DDHD2: variants seen among roughly 807,000 people sequenced by gnomAD.
The protein encoded by DDHD2 is DDHD domain containing 2, also known as triacylglycerol hydrolase DDHD2.
In DDHD2, 62 loss-of-function variants were observed where a neutral mutation model predicts 91.2. The ratio of observed to expected loss-of-function variants is 0.68; its 90% CI spans 0.55 to 0.84. DDHD2 has a LOEUF of 0.84. Among genes scored for constraint, DDHD2 ranks in the 40% least tolerant of loss-of-function variants. The probability of loss-of-function intolerance (pLI) is 0.00; values close to 1 mark genes in which losing one functional copy is unlikely to be tolerated. For synonymous variants in DDHD2, 271 were observed against 293.9 expected (o/e 0.92, Z 0.80); for missense variants, 740 against 846.9 (o/e 0.87, Z 1.57).
intron 16 of DDHD2, among the ~76,000 whole-genome samples, chr8:38,255,808 T>C (rs1169265329): frequency 6.6e-6 from 1 of 152,202 alleles, no homozygotes; most frequent in Non-Finnish European, 1.5e-5. Context: ...ACCTTGTTCA[T>C]GTCATTTCAC....
rs888032297 is a variant in DDHD2 at position 38,239,420 on chromosome 8, G to GTGT, written c.623-852_623-850dup. On this transcript the variant is annotated intron_variant, in intron 5 of 17. Transcript: ENST00000397166. Reference sequence around the variant, plus strand: ...TTTAAAACCTGAAAAAAGGCCAAGTGTGTTGGCTCACGGCTGTAATCCCAG... The same window carrying GTGT: ...TTTAAAACCTGAAAAAAGGCCAAGTGTGTTGTTGGCTCACGGCTGTAATCCCAG... Among the ~76,000 whole-genome samples the GTGT allele has an allele frequency of 1.3e-4, 19 of 148,698 alleles. 1 individual carries two copies. Among genetic ancestry groups the GTGT allele is most frequent in the Non-Finnish European group, 3.0e-5 (2 of 67,234 alleles).
At chr8:38,253,438 G>A (rs918486571) in intron 15 of DDHD2, 118 bp from the exon 16 acceptor site, 1 of 889,666 alleles carries the variant, frequency 1.1e-6, no homozygotes. Context: ...ATGGGAGAGA[G>A]CTCTCTGAAC....
rs757419576 is a variant in DDHD2, at chr8:38,268,989, C to A, written n.88-2133C>A. The A allele has an allele frequency of 2.5e-6, 4 of 1,579,820 alleles. No individual in the cohort carries two copies. In the African/African-American group the frequency reaches 5.6e-5, roughly 22 times the overall value. ...TGGAACGGGGGGAGCAGCTCCGTCA[C>A]CCTAGAGGGGAACAAAGAAGCGCAG... is the stretch of plus-strand genomic sequence containing the variant. On this transcript the variant is annotated intron_variant and non_coding_transcript_variant, in intron 1 of 1. Coordinates refer to the DDHD2 transcript ENST00000526071.
Position 38,243,134 on chromosome 8 carries a change from A to G in DDHD2, c.848+749A>G, listed in dbSNP as rs559413869. ...ACTGTGGTGGGGTCCGGATTCTTCAATATTTGAGCAGATGCTAAGAGGTTA... is the reference window on the plus strand; with the variant it reads ...ACTGTGGTGGGGTCCGGATTCTTCAGTATTTGAGCAGATGCTAAGAGGTTA... On this transcript the variant is annotated intron_variant, in intron 7 of 17. Transcript: ENST00000397166. Among the ~76,000 whole-genome samples, 14 of 152,292 alleles carry G rather than the reference A, an allele frequency of 9.2e-5. No individual in the cohort carries two copies. In the South Asian group the frequency reaches 2.7e-3, roughly 29 times the overall value.
intron 3 of DDHD2, among the ~76,000 whole-genome samples, chr8:38,236,423 C>T (rs1263780900): frequency 9.9e-5 from 15 of 151,428 alleles, no homozygotes; most frequent in Non-Finnish European, 1.9e-4. Context: ...GGTGCGATCT[C>T]GGCTCACTGC....
intron 11 of DDHD2, chr8:38,251,529 C>G (rs1806107340): frequency 5.9e-6 from 1 of 168,500 alleles, no homozygotes; most frequent in African/African-American, 2.4e-5. Context: ...TGATTGTTGC[C>G]TAAAGTTTCA....
In DDHD2 at chr8:38,261,246, G is replaced by A. The variant is rs1806998409; in HGVS notation, c.*673G>A. ...TGTTTTTGCAACTGTTTGAGCTGCT[G>A]TAAGAGTCTAAAGTTGACAAGTTAG... On this transcript the variant is annotated 3_prime_UTR_variant, in exon 18 of 18. Coordinates refer to ENST00000397166, the MANE Select transcript of DDHD2 (RefSeq NM_015214.3). The A allele has an allele frequency of 6.6e-6, 1 of 152,208 alleles. No homozygotes were observed. Among genetic ancestry groups the A allele is most frequent in the Non-Finnish European group, 1.5e-5 (1 of 68,034 alleles). The allele number at this position is 152,208 out of a possible 1,614,324, so 9.4% of individuals were successfully genotyped here.
At chr8:38,273,526 G>A (rs924659978), downstream of DDHD2, 7 of 152,116 alleles carry the variant, frequency 4.6e-5, no homozygotes, top group African/African-American at 1.7e-4. Context: ...AAAGCAAGGA[G>A]ATAAGATTTC....
chr8:38,267,538 T>C (rs909967563), downstream of DDHD2: 40 of 920,808 alleles, frequency 4.3e-5, no homozygotes, highest in Non-Finnish European at 5.4e-5. Context: ...GTCACCACAC[T>C]AAGAGAAAAG....
intron 16 of DDHD2, among the ~76,000 whole-genome samples, chr8:38,256,331 CTTG>C (rs1563315227): frequency 1.3e-5 from 2 of 151,956 alleles, no homozygotes; most frequent in Non-Finnish European, 2.9e-5. Context: ...TTGAGATAGT[CTTG>C]TTCTGTCATC....
At chr8:38,245,667 C>T in intron 7 of DDHD2, 75 bp from the exon 8 acceptor site, 2 of 1,324,416 alleles carry the variant, frequency 1.5e-6, no homozygotes, top group South Asian at 2.5e-5. Context: ...AATGTTTAAG[C>T]TTGAAGGCTT....
At chr8:38,233,736 T>A (rs894732978) in intron 2 of DDHD2, among the ~76,000 whole-genome samples, 9 of 152,108 alleles carry the variant, frequency 5.9e-5, no homozygotes, top group African/African-American at 2.2e-4. Context: ...GAGATTAGCC[T>A]GGCCAGCAAT....
Position 38,251,894 on chromosome 8 carries a change from C to T in DDHD2, c.1345-18C>T, listed in dbSNP as rs747571340. 29 of 1,588,708 alleles carry T rather than the reference C, an allele frequency of 1.8e-5. No individual in the cohort carries two copies. Among genetic ancestry groups the T allele is most frequent in the Non-Finnish European group, 1.8e-5 (21 of 1,157,158 alleles). ...CGTCATGCCCAGCTTCTCCACATAA[C>T]TATTTTTTATTCTTTAGGGTATTAA... On this transcript the variant is annotated intron_variant, in intron 11 of 17. Coordinates refer to ENST00000397166, the MANE Select transcript of DDHD2 (RefSeq NM_015214.3).
chr8:38,252,070 A>G (rs369100605), intron 12 of DDHD2, 42 bp downstream of exon 12: 52 of 1,612,890 alleles, frequency 3.2e-5, no homozygotes, highest in Non-Finnish European at 4.3e-5. Flanking sequence ...TGCTATTTGT[A>G]TGGTAGAAAC....
rs780409271 is a variant in DDHD2 at position 38,253,720 on chromosome 8, T to C, written c.2054+2T>C. 1.9e-6 allele frequency: 3 copies of C among 1,611,518 alleles called. No homozygotes were observed. In the South Asian group the frequency reaches 3.3e-5, roughly 18 times the overall value. On this transcript the variant is annotated splice_donor_variant, in intron 16 of 17. Transcript: ENST00000397166. LOFTEE classifies it high-confidence loss of function. Reference sequence around the variant, plus strand: ...TTTACAAAGCCATCTATGCTACTGGTAAATGTTGTTTATTTTTGTCTGTTT... The same window carrying C: ...TTTACAAAGCCATCTATGCTACTGGCAAATGTTGTTTATTTTTGTCTGTTT...
intron 9 of DDHD2, 126 bp from the exon 10 acceptor site, chr8:38,247,587 A>C: frequency 1.8e-6 from 1 of 550,548 alleles, no homozygotes; most frequent in Non-Finnish European, 2.9e-6. Flanking sequence ...TATATCTTGC[A>C]TAAATGACAA....
At chr8:38,241,846 G>T (rs1000847487) in intron 6 of DDHD2, 1 of 156,362 alleles carries the variant, frequency 6.4e-6, no homozygotes. Flanking sequence ...CTAAAGTCAG[G>T]AGTTCAGGAC....
chr8:38,238,952 T>TACAC (rs1282416959), intron 5 of DDHD2: 1 of 152,730 alleles, frequency 6.5e-6, no homozygotes, highest in Non-Finnish European at 1.5e-5. Flanking sequence ...TGTGTGTGTG[T>TACAC]ACACACACAG....
At chr8:38,268,964 T>A (rs774979050) in intron 1 of DDHD2, 1 of 1,566,748 alleles carries the variant, frequency 6.4e-7, no homozygotes, top group Non-Finnish European at 8.6e-7. Context: ...GATGAGTCTC[T>A]GGAACGGGGG....
Sources: allele counts gnomAD v4.1 joint callset (sites outside exome capture counted in the v4.1 genomes callset), GRCh38; gene constraint gnomAD v4.1.1; transcripts MANE v1.5; gene names NCBI Gene and HGNC (gene_info 2026-07-23, HGNC 2026-07-21).